Variants in PPP1R9A observed in about 807,000 individuals in gnomAD.
PPP1R9A encodes the protein protein phosphatase 1 regulatory subunit 9A, also known as neurabin-1.
A neutral mutation model predicts 141.9 loss-of-function variants in PPP1R9A; 59 were observed. The ratio of observed to expected loss-of-function variants is 0.42; its 90% CI spans 0.34 to 0.52. The LOEUF is 0.52. Ranked by LOEUF, PPP1R9A falls within the 20% of genes least tolerant of loss-of-function variation. The probability of loss-of-function intolerance (pLI) is 0.10; values close to 1 mark genes in which losing one functional copy is unlikely to be tolerated. For synonymous variants in PPP1R9A, 500 were observed against 569.7 expected, an observed-to-expected ratio of 0.88 and a Z score of 1.74; for missense variants, 1,444 against 1,611.9, an observed-to-expected ratio of 0.90 and a Z score of 1.78.
Position 95,055,847 on chromosome 7 carries a change from A to G in PPP1R9A, c.1396-55412A>G, listed in dbSNP as rs965890014. Among the ~76,000 whole-genome samples, 4 of 152,006 alleles carry G rather than the reference A, an allele frequency of 2.6e-5. No individual in the cohort carries two copies. The South Asian group carries it at 8.3e-4, about 32-fold the overall frequency. On this transcript the variant is annotated intron_variant, in intron 2 of 19. Transcript: ENST00000433360. ...CATACGTTAGGAATTTCTTGTTCTTATTTTCTCTCACATAAACCATTGCAT... is the reference window on the plus strand; with the variant it reads ...CATACGTTAGGAATTTCTTGTTCTTGTTTTCTCTCACATAAACCATTGCAT...
chr7:95,211,155 A>C (rs563379960), intron 7 of PPP1R9A, among the ~76,000 whole-genome samples: 2,441 of 152,066 alleles, frequency 0.016, 47 homozygotes, highest in Admixed American at 0.043. Context: ...AAAAAAAAAA[A>C]ACATTAAAAA....
chr7:95,042,698 T>C (rs1242347469), intron 2 of PPP1R9A, among the ~76,000 whole-genome samples: 1 of 152,160 alleles, frequency 6.6e-6, no homozygotes, highest in East Asian at 1.9e-4. Flanking sequence ...AAAGTAAAAC[T>C]TCTTGTCGAT....
chr7:95,105,573 A>G (rs1403638470), intron 2 of PPP1R9A, among the ~76,000 whole-genome samples: 1 of 152,250 alleles, frequency 6.6e-6, no homozygotes, highest in Non-Finnish European at 1.5e-5. Context: ...CTACAAAAAT[A>G]CATATATCTT....
intron 2 of PPP1R9A, among the ~76,000 whole-genome samples, chr7:95,099,284 G>T (rs1437385925): frequency 6.6e-6 from 1 of 152,180 alleles, no homozygotes; most frequent in Non-Finnish European, 1.5e-5. Flanking sequence ...TGCCAATTGG[G>T]TTAATTAGTT....
At chr7:95,149,994 C>T (rs1465130885) in intron 4 of PPP1R9A, among the ~76,000 whole-genome samples, 3 of 151,816 alleles carry the variant, frequency 2.0e-5, no homozygotes, top group Non-Finnish European at 4.4e-5. Flanking sequence ...GTGGTACTGG[C>T]AAAAGAATAG....
At chr7:95,259,615 CT>C (rs1323380490) in intron 12 of PPP1R9A, among the ~76,000 whole-genome samples, 3 of 152,160 alleles carry the variant, frequency 2.0e-5, no homozygotes, top group African/African-American at 7.2e-5. Context: ...GGCCAGACCC[CT>C]ACCACCATAT....
intron 5 of PPP1R9A, among the ~76,000 whole-genome samples, chr7:95,183,406 C>A (rs111265582): frequency 0.071 from 10,506 of 148,700 alleles, 889 homozygotes; most frequent in African/African-American, 0.2. Flanking sequence ...TCCCAAAGTG[C>A]TGGGATTACA....
chr7:95,268,466 C>A, intron 12 of PPP1R9A, 84 bp from the exon 13 acceptor site: 1 of 1,487,752 alleles, frequency 6.7e-7, no homozygotes. Flanking sequence ...TTACTGGTTA[C>A]CTTGAGATTT....
chr7:95,103,640 T>C (rs559973968), intron 2 of PPP1R9A, among the ~76,000 whole-genome samples: 1 of 152,288 alleles, frequency 6.6e-6, no homozygotes, highest in African/African-American at 2.4e-5. Flanking sequence ...AGTGCTGGGA[T>C]TACAGGCGTG....
At chr7:95,161,039 A>G (rs1164174526) in intron 4 of PPP1R9A, among the ~76,000 whole-genome samples, 2 of 152,194 alleles carry the variant, frequency 1.3e-5, no homozygotes, top group Non-Finnish European at 2.9e-5. Context: ...TATACCCAGT[A>G]ATGGGATTAC....
chr7:95,077,991 A>T (rs117703782), intron 2 of PPP1R9A, among the ~76,000 whole-genome samples: 58,539 of 132,238 alleles, frequency 0.44, 12,143 homozygotes, highest in Middle Eastern at 0.49. Context: ...TTTTTTTTTT[A>T]ATTATACTTT....
chr7:95,182,382 T>C (rs1415209666), intron 5 of PPP1R9A, among the ~76,000 whole-genome samples: 1 of 152,126 alleles, frequency 6.6e-6, no homozygotes, highest in Non-Finnish European at 1.5e-5. Context: ...AGTTTTTTAA[T>C]AGATATGCAC....
At chr7:94,908,875 T>A (rs1333246656) in intron 1 of PPP1R9A, among the ~76,000 whole-genome samples, 1 of 152,212 alleles carries the variant, frequency 6.6e-6, no homozygotes, top group Admixed American at 6.5e-5. Context: ...GGAGCCGAGT[T>A]TGGAGACGGT....
At chr7:95,252,237 T>C (rs1296607090) in intron 12 of PPP1R9A, 107 bp downstream of exon 12, 7 of 1,234,412 alleles carry the variant, frequency 5.7e-6, no homozygotes, top group Non-Finnish European at 7.5e-6. Flanking sequence ...ACCTTCCTAC[T>C]ATGGGAAAGA....
chr7:95,202,698 C>A, intron 6 of PPP1R9A: 1 of 450,384 alleles, frequency 2.2e-6, no homozygotes, highest in Non-Finnish European at 2.9e-6. Flanking sequence ...TCATACTCCA[C>A]CACTATCAGT....
At chr7:95,178,152 A>C (rs1305888141) in intron 5 of PPP1R9A, among the ~76,000 whole-genome samples, 2 of 152,166 alleles carry the variant, frequency 1.3e-5, no homozygotes, top group African/African-American at 4.8e-5. Flanking sequence ...AGCCTCAATA[A>C]ATTTAAGAAA....
At chr7:94,975,883 T>G (rs1045038429) in intron 2 of PPP1R9A, among the ~76,000 whole-genome samples, 1 of 152,198 alleles carries the variant, frequency 6.6e-6, no homozygotes, top group African/African-American at 2.4e-5. Flanking sequence ...ATTATAAAGG[T>G]ACAATTTCAG....
chr7:95,215,625 C>T (rs1196585470), intron 7 of PPP1R9A, among the ~76,000 whole-genome samples: 2 of 152,174 alleles, frequency 1.3e-5, no homozygotes, highest in African/African-American at 4.8e-5. Flanking sequence ...ACATCCTCTC[C>T]AGCACCTTTT....
Position 94,911,083 on chromosome 7 carries a change from C to T in PPP1R9A, c.970C>T (p.Pro324Ser), listed in dbSNP as rs1310627128. ...CATTGACAAAGATGGTCCTGAAGAA[C>T]CTTGTGCTGAAAGTAAGGCAATGCC... ...DSIDKDGPEE[P>S]CAESKAMPKS... The change falls in exon 2 of 20, where the codon CCT becomes TCT. Residue 324 changes from proline (P) to serine (S), a missense_variant. Pro to Ser is a moderately conservative substitution (Grantham distance 74). Coordinates refer to ENST00000433360, the MANE Select transcript of PPP1R9A (RefSeq NM_001166160.2). 2 of 1,614,000 alleles carry T rather than the reference C, an allele frequency of 1.2e-6. No homozygotes were observed. The highest frequency in any genetic ancestry group is 2.7e-5 in the African/African-American group (2 of 74,902).
Sources: allele counts gnomAD v4.1 joint callset (sites outside exome capture counted in the v4.1 genomes callset), GRCh38; gene constraint gnomAD v4.1.1; transcripts MANE v1.5; gene names NCBI Gene and HGNC (gene_info 2026-07-23, HGNC 2026-07-21).